The following FGF12 variants were observed in gnomAD, a reference collection of about 807,000 sequenced individuals.
The protein encoded by FGF12 is fibroblast growth factor 12, also known as fibroblast growth factor 12B.
FGF12 carries 14 observed loss-of-function variants against 23.6 expected under a neutral mutation model. The ratio of observed to expected loss-of-function variants is 0.59; its 90% CI spans 0.39 to 0.93. The LOEUF is 0.93. FGF12 is among the 40% of genes least tolerant of loss of function. The probability of loss-of-function intolerance (pLI) is 0.00; values close to 1 mark genes in which losing one functional copy is unlikely to be tolerated. For synonymous variants in FGF12, 62 were observed against 77.3 expected (o/e 0.80, Z 1.04); for missense variants, 175 against 217.8 (o/e 0.80, Z 1.24).
intron 3 of FGF12, among the ~76,000 whole-genome samples, chr3:192,346,805 G>A (rs1400073128): frequency 1.3e-5 from 2 of 152,068 alleles, no homozygotes; most frequent in African/African-American, 4.8e-5. Context: ...ACAGGAAGGG[G>A]TACTTCAGCC....
At chr3:192,626,316 A>G (rs760448323) in intron 2 of FGF12, among the ~76,000 whole-genome samples, 10 of 152,192 alleles carry the variant, frequency 6.6e-5, no homozygotes, top group Non-Finnish European at 1.5e-4. Context: ...TTAACAGTAA[A>G]TATTTTTCAA....
At chr3:192,269,595 T>A (rs1713298291) in intron 4 of FGF12, among the ~76,000 whole-genome samples, 1 of 152,180 alleles carries the variant, frequency 6.6e-6, no homozygotes, top group Non-Finnish European at 1.5e-5. Flanking sequence ...TTTGGCACAT[T>A]AAAAGGACCT....
At chr3:192,555,951 C>A (rs1328815007) in intron 2 of FGF12, among the ~76,000 whole-genome samples, 1 of 151,830 alleles carries the variant, frequency 6.6e-6, no homozygotes. Flanking sequence ...GAGATTGTTA[C>A]AACTATAAAA....
At chr3:192,151,167 G>T (rs1450213446) in intron 5 of FGF12, among the ~76,000 whole-genome samples, 1 of 126,112 alleles carries the variant, frequency 7.9e-6, no homozygotes, top group Admixed American at 8.1e-5. Context: ...CATTGATTTT[G>T]TATCCTGGGA....
At chr3:192,304,411 T>C (rs577798976) in intron 4 of FGF12, among the ~76,000 whole-genome samples, 1 of 152,304 alleles carries the variant, frequency 6.6e-6, no homozygotes, top group African/African-American at 2.4e-5. Flanking sequence ...AGTCCATGGT[T>C]TATTTGATTA....
intron 4 of FGF12, among the ~76,000 whole-genome samples, chr3:192,311,869 T>C (rs942275466): frequency 1.3e-5 from 2 of 152,146 alleles, no homozygotes; most frequent in Admixed American, 1.3e-4. Flanking sequence ...TGATTTTAAT[T>C]TGCATTTCCT....
intron 2 of FGF12, among the ~76,000 whole-genome samples, chr3:192,377,423 G>A (rs544447875): frequency 2.0e-5 from 3 of 152,184 alleles, no homozygotes; most frequent in Admixed American, 1.3e-4. Flanking sequence ...GGTTTTGAGC[G>A]CAACTATGCA....
intron 5 of FGF12, among the ~76,000 whole-genome samples, chr3:192,150,538 A>G (rs1713992443): frequency 1.4e-5 from 2 of 144,872 alleles, no homozygotes; most frequent in African/African-American, 5.1e-5. Flanking sequence ...ACATATGGCT[A>G]TCCAGTTTTC....
chr3:192,181,543 C>T (rs1390817841), intron 4 of FGF12, among the ~76,000 whole-genome samples: 3 of 151,806 alleles, frequency 2.0e-5, no homozygotes, highest in Non-Finnish European at 4.4e-5. Context: ...TGGATGCAAG[C>T]AGCACGATGT....
chr3:192,547,937 T>G (rs1056210734), intron 2 of FGF12, among the ~76,000 whole-genome samples: 7 of 152,118 alleles, frequency 4.6e-5, no homozygotes, highest in Non-Finnish European at 1.0e-4. Flanking sequence ...AGCTAGAAAA[T>G]TTACTGGAGG....
At chr3:192,290,267 T>A (rs546419359) in intron 4 of FGF12, among the ~76,000 whole-genome samples, 32 of 152,302 alleles carry the variant, frequency 2.1e-4, no homozygotes, top group African/African-American at 7.2e-4. Flanking sequence ...TTTGTACATA[T>A]ATATCAAAAC....
chr3:192,556,054 T>TAA (rs1042401923), intron 2 of FGF12, among the ~76,000 whole-genome samples: 31 of 149,524 alleles, frequency 2.1e-4, no homozygotes, highest in Admixed American at 2.1e-3. Flanking sequence ...ATGTTGCTAT[T>TAA]AAAAAAAAAA....
At chr3:192,403,656 C>T (rs1720850266) in intron 2 of FGF12, among the ~76,000 whole-genome samples, 1 of 151,838 alleles carries the variant, frequency 6.6e-6, no homozygotes, top group African/African-American at 2.4e-5. Flanking sequence ...AAAGTACTTC[C>T]TATAAATGTA....
intron 1 of FGF12, 22 bp downstream of exon 1, chr3:192,727,461 GA>G: frequency 8.7e-6 from 6 of 687,680 alleles, no homozygotes; most frequent in African/African-American, 2.3e-5. Flanking sequence ...TGCCCGCTCA[GA>G]TTTTTTTTTT....
intron 2 of FGF12, among the ~76,000 whole-genome samples, chr3:192,552,163 T>G (rs1379624271): frequency 6.6e-6 from 1 of 152,050 alleles, no homozygotes; most frequent in Non-Finnish European, 1.5e-5. Flanking sequence ...GAACAGCAGA[T>G]TAGACACTAC....
At position 192,514,845 on chromosome 3, in the gene FGF12, T is replaced by C; in HGVS notation, c.14-154307A>G. 1.0e-6 allele frequency: 1 copy of C among 985,084 alleles called. No individual in the cohort carries two copies. 61.0% of individuals were successfully genotyped at this position (985,084 alleles called of 1,614,324 possible). ...AGGCGGCCTGTCTTCGGAAGCCGGG[T>C]CCCGAGTCCATCGCGCGCGCCCAGG... On this transcript the variant is annotated intron_variant, in intron 2 of 5. Transcript: ENST00000445105. The surrounding 1 kb of genome is among the most constrained non-coding windows in gnomAD (Gnocchi z 4.9).
At chr3:192,363,073 A>G (rs1577390084) in intron 2 of FGF12, among the ~76,000 whole-genome samples, 1 of 138,690 alleles carries the variant, frequency 7.2e-6, no homozygotes, top group Non-Finnish European at 1.6e-5. Context: ...CGAACATCAC[A>G]CACCGGGGCC....
intron 4 of FGF12, among the ~76,000 whole-genome samples, chr3:192,283,398 T>C (rs1374458760): frequency 6.6e-6 from 1 of 152,142 alleles, no homozygotes; most frequent in Non-Finnish European, 1.5e-5. Context: ...GAGAGGCAAC[T>C]AAACTCTTCG....
At position 192,140,010 on chromosome 3, in the gene FGF12, A is replaced by G; in HGVS notation, c.*3999T>C. On this transcript the variant is annotated 3_prime_UTR_variant, in exon 6 of 6. Transcript: ENST00000445105. Reference sequence around the variant, plus strand: ...GGATTAAAAATCACCAAAGTACTGAAGGAACACGTGCTTTGATTATTATTC... The same window carrying G: ...GGATTAAAAATCACCAAAGTACTGAGGGAACACGTGCTTTGATTATTATTC... The G allele has an allele frequency of 6.6e-6, 1 of 152,082 alleles. No individual in the cohort carries two copies. Among genetic ancestry groups the G allele is most frequent in the East Asian group, 1.9e-4 (1 of 5,198 alleles). The allele number at this position is 152,082 out of a possible 1,614,324, so 9.4% of individuals were successfully genotyped here.
Sources: allele counts gnomAD v4.1 joint callset (sites outside exome capture counted in the v4.1 genomes callset), GRCh38; gene constraint gnomAD v4.1.1; non-coding constraint Gnocchi (gnomAD v3.1); transcripts MANE v1.5; gene names NCBI Gene and HGNC (gene_info 2026-07-23, HGNC 2026-07-21).